The following XKR6 variants were observed in gnomAD, a reference collection of about 807,000 sequenced individuals.
The protein encoded by XKR6 is XK related 6.
A neutral mutation model predicts 56.7 loss-of-function variants in XKR6; 22 were observed. The ratio of observed to expected loss-of-function variants is 0.39; its 90% CI spans 0.28 to 0.55. The LOEUF is 0.55. Ranked by LOEUF, XKR6 falls within the 20% of genes least tolerant of loss-of-function variation. XKR6 has a pLI of 0.66. For missense variants in XKR6, 852 were observed against 889.0 expected, an observed-to-expected ratio of 0.96 and a Z score of 0.53; for synonymous variants, 524 against 387.8, an observed-to-expected ratio of 1.35 and a Z score of -4.13.
chr8:11,020,565 G>A (rs1798727641), intron 1 of XKR6, among the ~76,000 whole-genome samples: 1 of 152,154 alleles, frequency 6.6e-6, no homozygotes, highest in Non-Finnish European at 1.5e-5. Flanking sequence ...GGTGAGTTGG[G>A]GCTTTGACAG....
chr8:10,998,856 C>T (rs1316861113), intron 1 of XKR6, among the ~76,000 whole-genome samples: 1 of 152,198 alleles, frequency 6.6e-6, no homozygotes, highest in Non-Finnish European at 1.5e-5. Context: ...AGCAGCATGG[C>T]AGCAAGGGAG....
At chr8:11,075,849 G>C (rs1800260471) in intron 1 of XKR6, among the ~76,000 whole-genome samples, 1 of 152,060 alleles carries the variant, frequency 6.6e-6, no homozygotes, top group African/African-American at 2.4e-5. Flanking sequence ...CTCCAGCCTG[G>C]GCAACATAGC....
intron 1 of XKR6, among the ~76,000 whole-genome samples, chr8:11,038,830 C>G (rs907168347): frequency 6.6e-6 from 1 of 152,058 alleles, no homozygotes; most frequent in Non-Finnish European, 1.5e-5. Flanking sequence ...CATGAGCCAC[C>G]GCGCCTGGCC....
chr8:11,129,095 T>C (rs1430017016), intron 1 of XKR6: 2 of 385,876 alleles, frequency 5.2e-6, no homozygotes, highest in South Asian at 3.9e-5. Flanking sequence ...AAGAGCCCAA[T>C]CAAGAAAATA....
chr8:11,096,321 A>G (rs1248944854), intron 1 of XKR6, among the ~76,000 whole-genome samples: 2 of 151,792 alleles, frequency 1.3e-5, no homozygotes, highest in African/African-American at 4.9e-5. Flanking sequence ...TGGAATGCCA[A>G]CTTGTCAACA....
chr8:11,044,705 G>T (rs956163083), intron 1 of XKR6, among the ~76,000 whole-genome samples: 3 of 150,724 alleles, frequency 2.0e-5, no homozygotes, highest in African/African-American at 4.9e-5. Flanking sequence ...TGCAACCTCT[G>T]CCTCCTGGGT....
chr8:10,903,093 C>A (rs1314201173), intron 2 of XKR6, among the ~76,000 whole-genome samples: 2 of 152,142 alleles, frequency 1.3e-5, no homozygotes, highest in Non-Finnish European at 2.9e-5. Context: ...TGGTGGGACT[C>A]AAAAACCTGT....
chr8:10,986,982 G>T (rs1015007147), intron 1 of XKR6, among the ~76,000 whole-genome samples: 3 of 151,806 alleles, frequency 2.0e-5, no homozygotes, highest in African/African-American at 7.3e-5. Context: ...AGAGATGGGG[G>T]TCTCACTACG....
intron 1 of XKR6, among the ~76,000 whole-genome samples, chr8:11,081,660 C>A (rs1322782232): frequency 2.0e-5 from 3 of 152,144 alleles, no homozygotes; most frequent in Non-Finnish European, 2.9e-5. Context: ...GCTCTGACTC[C>A]AAGTTCTGAT....
intron 1 of XKR6, among the ~76,000 whole-genome samples, chr8:10,967,744 T>A (rs912175665): frequency 1.3e-5 from 2 of 152,228 alleles, no homozygotes; most frequent in Non-Finnish European, 2.9e-5. Flanking sequence ...GCAAAGGACC[T>A]ACAGCGACGT....
At chr8:11,058,789 C>A (rs370353142) in intron 1 of XKR6, among the ~76,000 whole-genome samples, 3 of 152,124 alleles carry the variant, frequency 2.0e-5, no homozygotes, top group African/African-American at 7.2e-5. Flanking sequence ...ACCACCACGG[C>A]ACATGTATAC....
intron 1 of XKR6, among the ~76,000 whole-genome samples, chr8:11,030,856 G>A (rs79477057): frequency 1.3e-5 from 2 of 152,158 alleles, no homozygotes; most frequent in East Asian, 3.8e-4. Flanking sequence ...GCCCTCTCAG[G>A]CTCCTCATTG....
At chr8:11,124,328 T>A (rs1020272301) in intron 1 of XKR6, 6 of 317,962 alleles carry the variant, frequency 1.9e-5, no homozygotes, top group Admixed American at 4.3e-5. Context: ...ACTCTTGAGA[T>A]CATCAATAAC....
At chr8:11,156,879 C>G (rs962636655) in intron 1 of XKR6, among the ~76,000 whole-genome samples, 5 of 151,932 alleles carry the variant, frequency 3.3e-5, no homozygotes, top group African/African-American at 1.2e-4. Context: ...TCAGGGTAGG[C>G]TACACTTAGG....
At chr8:11,004,569 G>A (rs1209093405) in intron 1 of XKR6, among the ~76,000 whole-genome samples, 3 of 152,154 alleles carry the variant, frequency 2.0e-5, no homozygotes, top group African/African-American at 7.2e-5. Flanking sequence ...ACAAAAAGTA[G>A]CAACTGCCTA....
At chr8:11,114,844 T>C (rs1026417752) in intron 1 of XKR6, among the ~76,000 whole-genome samples, 2 of 152,010 alleles carry the variant, frequency 1.3e-5, no homozygotes, top group Non-Finnish European at 2.9e-5. Context: ...GAAATATATT[T>C]TTGTGTATTC....
intron 1 of XKR6, among the ~76,000 whole-genome samples, chr8:11,130,461 G>A (rs554640782): frequency 1.3e-5 from 2 of 152,226 alleles, no homozygotes; most frequent in East Asian, 1.9e-4. Context: ...CGGGACGTGT[G>A]TGTTACACAC....
intron 1 of XKR6, among the ~76,000 whole-genome samples, chr8:11,110,163 G>C (rs2129179224): frequency 6.6e-6 from 1 of 152,150 alleles, no homozygotes; most frequent in East Asian, 1.9e-4. Flanking sequence ...AGTAGAGATG[G>C]GGTTTTACCA....
chr8:11,063,349 T>C (rs1171439065), intron 1 of XKR6, among the ~76,000 whole-genome samples: 1 of 150,812 alleles, frequency 6.6e-6, no homozygotes, highest in Non-Finnish European at 1.5e-5. Flanking sequence ...CAAAACAAAA[T>C]TAGCCAGGTG....
Sources: gnomAD v4.1 joint callset for allele counts (sites outside exome capture counted in the v4.1 genomes callset) on GRCh38, gnomAD v4.1.1 for gene constraint, MANE v1.5 for transcripts, NCBI Gene and HGNC (gene_info 2026-07-23, HGNC 2026-07-21) for gene names.